RGS22: variants seen among roughly 807,000 people sequenced by gnomAD.
RGS22 encodes the protein regulator of G-protein signaling 22.
RGS22 carries 148 observed loss-of-function variants against 172.9 expected under a neutral mutation model. That is an observed-to-expected ratio of 0.86 (90% CI 0.75 to 0.98). RGS22 has a LOEUF of 0.98. RGS22 is among the 50% of genes least tolerant of loss of function. The probability of loss-of-function intolerance (pLI) is 0.00; values close to 1 mark genes in which losing one functional copy is unlikely to be tolerated. For synonymous variants in RGS22, 458 were observed against 480.2 expected, an observed-to-expected ratio of 0.95 and a Z score of 0.60; for missense variants, 1,347 against 1,440.8, an observed-to-expected ratio of 0.93 and a Z score of 1.05.
At chr8:100,022,618 GT>G (rs916176671) in intron 14 of RGS22, among the ~76,000 whole-genome samples, 26 of 151,812 alleles carry the variant, frequency 1.7e-4, no homozygotes, top group African/African-American at 6.3e-4. Context: ...TTTTGGATTT[GT>G]TTTTTAAAAA....
chr8:100,104,986 G>A (rs1029397610), intron 2 of RGS22, among the ~76,000 whole-genome samples: 1 of 152,208 alleles, frequency 6.6e-6, no homozygotes, highest in African/African-American at 2.4e-5. Context: ...GTAAAGGAAT[G>A]ATAAATTGAC....
At chr8:99,983,669 T>C (rs1812787181) in intron 21 of RGS22, among the ~76,000 whole-genome samples, 1 of 152,204 alleles carries the variant, frequency 6.6e-6, no homozygotes, top group African/African-American at 2.4e-5. Flanking sequence ...TGTAGGACTA[T>C]CATTTTTTAA....
At chr8:100,057,955 A>G (rs1186661839) in intron 9 of RGS22, among the ~76,000 whole-genome samples, 1 of 152,218 alleles carries the variant, frequency 6.6e-6, no homozygotes, top group African/African-American at 2.4e-5. Flanking sequence ...AGAAAACTCA[A>G]AGAAATTCAA....
chr8:100,096,607 A>ATT (rs59285481), intron 2 of RGS22, among the ~76,000 whole-genome samples: 13,342 of 142,424 alleles, frequency 0.094, 671 homozygotes, highest in Non-Finnish European at 0.11. Context: ...ATGAACTACA[A>ATT]TTTTTTTTTT....
chr8:99,972,975 C>G (rs1002317355), intron 23 of RGS22, among the ~76,000 whole-genome samples: 13 of 139,800 alleles, frequency 9.3e-5, no homozygotes, highest in Non-Finnish European at 1.7e-4. Flanking sequence ...CAGAGCTTGA[C>G]TCCATCTCAA....
intron 21 of RGS22, among the ~76,000 whole-genome samples, chr8:99,986,801 T>A (rs1317895352): frequency 6.6e-6 from 1 of 152,232 alleles, no homozygotes; most frequent in Non-Finnish European, 1.5e-5. Flanking sequence ...CTTTGATTAC[T>A]ATTACTATAA....
chr8:99,990,831 C>T (rs1407261000), intron 20 of RGS22, among the ~76,000 whole-genome samples: 3 of 152,188 alleles, frequency 2.0e-5, no homozygotes, highest in Non-Finnish European at 4.4e-5. Flanking sequence ...CCCATGTAGC[C>T]TAACTGGGAG....
At chr8:100,086,013 A>C (rs1212816448) in intron 3 of RGS22, among the ~76,000 whole-genome samples, 1 of 152,182 alleles carries the variant, frequency 6.6e-6, no homozygotes, top group Non-Finnish European at 1.5e-5. Context: ...CTGGAAATTA[A>C]GGAAGATGTA....
intron 14 of RGS22, among the ~76,000 whole-genome samples, chr8:100,027,930 C>T (rs1481121909): frequency 2.0e-5 from 3 of 152,076 alleles, no homozygotes; most frequent in Non-Finnish European, 1.5e-5. Flanking sequence ...CCATTGAGTG[C>T]TCTGTACTAT....
intron 2 of RGS22, among the ~76,000 whole-genome samples, 194 bp from the exon 3 acceptor site, chr8:100,093,703 G>C (rs1287752841): frequency 6.6e-6 from 1 of 151,896 alleles, no homozygotes; most frequent in African/African-American, 2.4e-5. Context: ...TCTCTGAAAG[G>C]AAAAAATAAG....
At position 100,065,401 on chromosome 8, in the gene RGS22, G is replaced by C. The variant is rs561844898; in HGVS notation, c.724+766C>G. On this transcript the variant is annotated intron_variant, in intron 7 of 27. Transcript: ENST00000360863. Reference sequence around the variant, plus strand: ...AACAACAAGAAGCCTATGAATCCAGGTATTTTCAATTGGGGAGATTATTTT... The same window carrying C: ...AACAACAAGAAGCCTATGAATCCAGCTATTTTCAATTGGGGAGATTATTTT... Among the ~76,000 whole-genome samples the C allele has an allele frequency of 3.9e-5, 6 of 152,204 alleles. No individual in the cohort carries two copies. In the South Asian group the frequency reaches 6.2e-4, roughly 16 times the overall value.
Position 100,063,517 on chromosome 8 carries a change from T to C in RGS22, c.1251A>G (p.Arg417=). The change falls in exon 8 of 28, where the codon AGA becomes AGG. Residue 417 remains arginine (R), a synonymous_variant. Transcript: ENST00000360863. ...YDIGNRKEFE[R]FKKFIKGTLG... is the part of the protein sequence containing the mutation. Reference sequence around the variant, plus strand: ...ATGTACCTTTTATAAATTTCTTAAATCTTTCAAACTCCTTTCTATTGCCAA... The same window carrying C: ...ATGTACCTTTTATAAATTTCTTAAACCTTTCAAACTCCTTTCTATTGCCAA... The C allele has an allele frequency of 6.2e-7, 1 of 1,613,974 alleles. No individual in the cohort carries two copies. Among genetic ancestry groups the C allele is most frequent in the Non-Finnish European group, 8.5e-7 (1 of 1,179,884 alleles).
At chr8:100,058,633 T>C (rs1186031851) in intron 9 of RGS22, among the ~76,000 whole-genome samples, 2 of 152,166 alleles carry the variant, frequency 1.3e-5, no homozygotes, top group Non-Finnish European at 2.9e-5. Flanking sequence ...TACCCTAGCA[T>C]AGTATATCCA....
Position 99,978,019 on chromosome 8 carries a change from C to A in RGS22, c.3417G>T (p.Lys1139Asn), listed in dbSNP as rs1812170311. 6.5e-7 allele frequency: 1 copy of A among 1,544,824 alleles called. No homozygotes were observed. Among genetic ancestry groups the A allele is most frequent in the Non-Finnish European group, 8.7e-7 (1 of 1,155,986 alleles). ...TCATAATATTTTCATCTGTTAAATTCTTCCTAAACTCACAGAACTGAGGCC... is the reference window on the plus strand; with the variant it reads ...TCATAATATTTTCATCTGTTAAATTATTCCTAAACTCACAGAACTGAGGCC... ...KFWPQFCEFR[K>N]NLTDENIMSV... The change falls in exon 23 of 28, where the codon AAG becomes AAT. Residue 1139 changes from lysine (K) to asparagine (N), a missense_variant. By Grantham distance (94) the Lys-to-Asn change is moderately conservative. Coordinates refer to ENST00000360863, the MANE Select transcript of RGS22 (RefSeq NM_015668.5).
intron 23 of RGS22, among the ~76,000 whole-genome samples, chr8:99,974,806 A>AG: frequency 6.6e-6 from 1 of 151,840 alleles, no homozygotes; most frequent in East Asian, 1.9e-4. Flanking sequence ...AAAAAAAAAA[A>AG]AAATGGATAT....
chr8:100,105,799 T>C, intron 1 of RGS22, 98 bp downstream of exon 1: 1 of 1,067,576 alleles, frequency 9.4e-7, no homozygotes, highest in East Asian at 3.0e-5. Flanking sequence ...GGAGCGGGGA[T>C]ACCGCTAGGA....
At chr8:100,070,241 A>G (rs577868928) in intron 6 of RGS22, among the ~76,000 whole-genome samples, 4 of 152,248 alleles carry the variant, frequency 2.6e-5, no homozygotes, top group African/African-American at 9.6e-5. Context: ...AGAACATAAG[A>G]TTTTTAAAAT....
At position 99,985,020 on chromosome 8, in the gene RGS22, C is replaced by T. The variant is rs563985311; in HGVS notation, c.3180+2438G>A. Among the ~76,000 whole-genome samples the T allele has an allele frequency of 5.3e-5, 8 of 152,210 alleles. No individual in the cohort carries two copies. In the East Asian group the frequency reaches 5.8e-4, roughly 11 times the overall value. On this transcript the variant is annotated intron_variant, in intron 21 of 27. Transcript: ENST00000360863. ...GGTTCTTTCCAACTTTTCACAATCCCGAGTAATGTTTGACTAAGATTACTC... is the reference window on the plus strand; with the variant it reads ...GGTTCTTTCCAACTTTTCACAATCCTGAGTAATGTTTGACTAAGATTACTC...
At chr8:99,972,710 T>C (rs1429968140) in intron 23 of RGS22, among the ~76,000 whole-genome samples, 1 of 152,132 alleles carries the variant, frequency 6.6e-6, no homozygotes, top group East Asian at 1.9e-4. Flanking sequence ...AGATACCATC[T>C]CACACCAGTT....
Sources: gnomAD v4.1 joint callset for allele counts (sites outside exome capture counted in the v4.1 genomes callset) on GRCh38, gnomAD v4.1.1 for gene constraint, MANE v1.5 for transcripts, NCBI Gene and HGNC (gene_info 2026-07-23, HGNC 2026-07-21) for gene names.